Variants in TENM1 observed in about 807,000 individuals in gnomAD.
TENM1 encodes the protein teneurin transmembrane protein 1.
In TENM1, 35 loss-of-function variants were observed where a neutral mutation model predicts 174.8. The ratio of observed to expected loss-of-function variants is 0.20; its 90% CI spans 0.15 to 0.27. The LOEUF (loss-of-function observed/expected upper bound fraction) is 0.27. TENM1 is among the 10% of genes least tolerant of loss of function. The pLI is 1.00. For missense variants in TENM1, 1,633 were observed against 2,130.1 expected (o/e 0.77, Z 4.59); for synonymous variants, 781 against 798.7 (o/e 0.98, Z 0.37).
the TENM1 span, among the ~76,000 whole-genome samples, chrX:125,128,028 G>A: frequency 9.0e-6 from 1 of 110,995 alleles, no homozygotes; most frequent in African/African-American, 3.3e-5. Flanking sequence ...AGCTATTAAT[G>A]GTATTAACAA....
the TENM1 span, among the ~76,000 whole-genome samples, chrX:125,178,727 G>A: frequency 3.1e-3 from 347 of 111,392 alleles, no homozygotes; most frequent in African/African-American, 0.011. Flanking sequence ...TGGATTCACT[G>A]ATCTATACTA....
At chrX:124,770,854 T>C (rs2054638757) in intron 3 of TENM1, among the ~76,000 whole-genome samples, 1 of 111,726 alleles carries the variant, frequency 9.0e-6, no homozygotes, top group Admixed American at 9.5e-5. Context: ...GGCAAATTAT[T>C]GATCATTATT....
chrX:124,446,574 T>C (rs1487327897), intron 23 of TENM1, among the ~76,000 whole-genome samples: 1 of 112,735 alleles, frequency 8.9e-6, no homozygotes, highest in Non-Finnish European at 1.9e-5. Context: ...GCAAGTAAGA[T>C]GAAGAGGACC....
chrX:125,199,214 T>A, the TENM1 span, among the ~76,000 whole-genome samples: 3 of 111,592 alleles, frequency 2.7e-5, no homozygotes, highest in Non-Finnish European at 5.7e-5. Context: ...CAACCAGATG[T>A]TTTTCACCCC....
At chrX:125,009,115 GAA>G in the TENM1 span, among the ~76,000 whole-genome samples, 12 of 86,431 alleles carry the variant, frequency 1.4e-4, no homozygotes, top group Middle Eastern at 5.9e-3. Flanking sequence ...TTTTTTTCCG[GAA>G]AAAAAAAAAT....
intron 14 of TENM1, among the ~76,000 whole-genome samples, chrX:124,547,465 G>C (rs2048457346): frequency 8.9e-6 from 1 of 112,087 alleles, no homozygotes; most frequent in Non-Finnish European, 1.9e-5. Context: ...TTTCTTGTAA[G>C]TACACCTAGT....
At chrX:124,832,383 A>C (rs1356051046) in intron 3 of TENM1, among the ~76,000 whole-genome samples, 1 of 111,921 alleles carries the variant, frequency 8.9e-6, no homozygotes, top group African/African-American at 3.3e-5. Flanking sequence ...CAAAAGTTAG[A>C]GGTTAGTCTG....
chrX:124,755,264 A>G (rs1332090592), intron 3 of TENM1, among the ~76,000 whole-genome samples: 14 of 109,125 alleles, frequency 1.3e-4, no homozygotes, highest in African/African-American at 4.4e-4. Flanking sequence ...GTCTCTTTTG[A>G]TCTTTGTTGG....
Position 124,497,082 on chromosome X carries a change from A to G in TENM1, c.3629T>C (p.Val1210Ala), listed in dbSNP as rs1412611841. 1 of 1,209,919 alleles carries G rather than the reference A, an allele frequency of 8.3e-7. No individual in the cohort carries two copies. The highest frequency in any genetic ancestry group is 1.1e-6 in the Non-Finnish European group (1 of 894,041). Residue 1210 changes from valine to alanine, a missense_variant, in exon 20 of 32, where the codon GTT (valine) becomes GCT (alanine). Transcript: ENST00000422452. ...TCTCCTTACAAAATTGAAGTCGCCA[A>G]CATACACACTGCCATCAGGGCCAGA...
chrX:124,793,010 A>G (rs2055214421), intron 3 of TENM1, among the ~76,000 whole-genome samples: 1 of 112,202 alleles, frequency 8.9e-6, no homozygotes, highest in Admixed American at 9.5e-5. Flanking sequence ...TTAGTCAATT[A>G]ACATACTTTT....
At chrX:124,656,214 C>G (rs192305696) in intron 6 of TENM1, among the ~76,000 whole-genome samples, 1 of 112,166 alleles carries the variant, frequency 8.9e-6, no homozygotes, top group Non-Finnish European at 1.9e-5. Context: ...TGGACATTAA[C>G]CTTTATATTA....
At chrX:124,790,479 G>A (rs2055154811) in intron 3 of TENM1, among the ~76,000 whole-genome samples, 1 of 112,000 alleles carries the variant, frequency 8.9e-6, no homozygotes, top group Non-Finnish European at 1.9e-5. Flanking sequence ...AAGTCACTCA[G>A]AGAAAGTCAG....
At chrX:124,695,182 G>A (rs745712164) in intron 5 of TENM1, among the ~76,000 whole-genome samples, 64 of 110,751 alleles carry the variant, frequency 5.8e-4, no homozygotes, top group Non-Finnish European at 1.0e-3. Flanking sequence ...GGACTGGAGC[G>A]TTCATGGTCC....
chrX:125,116,813 C>A, the TENM1 span, among the ~76,000 whole-genome samples: 1 of 110,569 alleles, frequency 9.0e-6, no homozygotes, highest in Non-Finnish European at 1.9e-5. Flanking sequence ...AGTTCAAGAC[C>A]AGTCTGGCCA....
intron 7 of TENM1, among the ~76,000 whole-genome samples, chrX:124,653,219 C>T (rs149187036): frequency 2.0e-4 from 22 of 111,558 alleles, no homozygotes; most frequent in African/African-American, 1.6e-4. Context: ...GATTAATATG[C>T]GTTCCTTCAT....
intron 1 of TENM1, among the ~76,000 whole-genome samples, chrX:124,941,036 CA>C (rs770276722): frequency 9.0e-5 from 10 of 111,167 alleles, no homozygotes; most frequent in Non-Finnish European, 1.9e-4. Context: ...AATGAGACAA[CA>C]AAAAAATTCC....
At chrX:124,828,724 G>A (rs1057051708) in intron 3 of TENM1, among the ~76,000 whole-genome samples, 1 of 111,450 alleles carries the variant, frequency 9.0e-6, no homozygotes, top group Non-Finnish European at 1.9e-5. Context: ...TTATTAAAGC[G>A]GCTGAGGGCA....
At position 124,542,800 on chromosome X, in the gene TENM1, C is replaced by G. The variant is rs1447328998; in HGVS notation, c.2651+4074G>C. Among the ~76,000 whole-genome samples the G allele has an allele frequency of 2.7e-5, 3 of 111,166 alleles. No homozygotes were observed. In the Admixed American group the frequency reaches 2.9e-4, roughly 11 times the overall value. On this transcript the variant is annotated intron_variant, in intron 15 of 31. Coordinates refer to ENST00000422452, the Ensembl canonical transcript of TENM1. The stretch of plus-strand genomic sequence containing the variant: ...AGGTGTGAGGCAGAGTGTATACCAA[C>G]TTATTCATGAGATATGCAAAGGTAC...
chrX:125,037,323 C>A, the TENM1 span, among the ~76,000 whole-genome samples: 1 of 110,526 alleles, frequency 9.0e-6, no homozygotes, highest in Non-Finnish European at 1.9e-5. Flanking sequence ...AGACACAGAA[C>A]TACTCAACAT....
Sources: allele counts gnomAD v4.1 joint callset (sites outside exome capture counted in the v4.1 genomes callset), GRCh38; gene constraint gnomAD v4.1.1; transcripts MANE v1.5; gene names NCBI Gene and HGNC (gene_info 2026-07-23, HGNC 2026-07-21).